STXBP5L: variants seen among roughly 807,000 people sequenced by gnomAD.
STXBP5L encodes the protein syntaxin-binding protein 5-like.
In STXBP5L, 65 loss-of-function variants were observed where a neutral mutation model predicts 144.5. The observed-to-expected ratio is 0.45, with a 90% confidence interval of 0.37 to 0.55. STXBP5L has a LOEUF of 0.55. Among genes scored for constraint, STXBP5L ranks in the 20% least tolerant of loss-of-function variants. STXBP5L has a pLI of 0.00. For synonymous variants in STXBP5L, 505 were observed against 469.6 expected, an observed-to-expected ratio of 1.08 and a Z score of -0.97; for missense variants, 1,298 against 1,405.5, an observed-to-expected ratio of 0.92 and a Z score of 1.22.
At chr3:121,391,253 T>C (rs2046576526) in intron 22 of STXBP5L, among the ~76,000 whole-genome samples, 1 of 152,224 alleles carries the variant, frequency 6.6e-6, no homozygotes, top group Non-Finnish European at 1.5e-5. Context: ...TTTAAGGTCT[T>C]CTCTACACTG....
intron 9 of STXBP5L, among the ~76,000 whole-genome samples, chr3:121,190,481 A>G (rs1440772804): frequency 6.6e-6 from 1 of 152,094 alleles, no homozygotes; most frequent in Admixed American, 6.5e-5. Flanking sequence ...TAACAATCCG[A>G]TCTCTCTTTC....
chr3:121,089,199 C>T (rs1055375872), intron 5 of STXBP5L, among the ~76,000 whole-genome samples: 1 of 143,960 alleles, frequency 6.9e-6, no homozygotes, highest in Non-Finnish European at 1.5e-5. Flanking sequence ...TTTACTGTCT[C>T]TTTTTTCCCA....
rs1357509886 is a variant in STXBP5L at position 121,096,165 on chromosome 3, G to A, written c.471-18760G>A. 2.6e-5 allele frequency among the ~76,000 whole-genome samples: 4 copies of A among 152,296 alleles called. No homozygotes were observed. In the East Asian group the frequency reaches 5.8e-4, roughly 22 times the overall value. On this transcript the variant is annotated intron_variant, in intron 5 of 26. Transcript: ENST00000471454. ...TGAACCCGGTACCTCAGTTGGAAGT[G>A]CAGAAATCACCCATCTTCTGCATCA...
intron 5 of STXBP5L, among the ~76,000 whole-genome samples, chr3:121,097,813 A>G (rs1450925303): frequency 1.3e-5 from 2 of 152,142 alleles, no homozygotes; most frequent in Admixed American, 1.3e-4. Context: ...CTTGTTGCAT[A>G]TCAAATGGAA....
intron 14 of STXBP5L, among the ~76,000 whole-genome samples, chr3:121,247,444 G>A (rs1297555835): frequency 1.3e-5 from 2 of 152,140 alleles, no homozygotes; most frequent in African/African-American, 4.8e-5. Context: ...ATACCCAATA[G>A]GTAGTTTTCA....
intron 9 of STXBP5L, chr3:121,158,515 A>G (rs1194164462): frequency 6.6e-6 from 1 of 152,194 alleles, no homozygotes; most frequent in Admixed American, 6.5e-5. Context: ...CCATCAGTAA[A>G]TGATCAAATT....
intron 3 of STXBP5L, among the ~76,000 whole-genome samples, chr3:120,977,319 T>C (rs1399255746): frequency 6.6e-6 from 1 of 152,230 alleles, no homozygotes; most frequent in Non-Finnish European, 1.5e-5. Context: ...TTGTCCCTTT[T>C]GATCTTTGTT....
intron 22 of STXBP5L, among the ~76,000 whole-genome samples, chr3:121,403,643 A>T (rs1250388892): frequency 6.6e-6 from 1 of 152,182 alleles, no homozygotes; most frequent in East Asian, 1.9e-4. Context: ...TATGGTAGAG[A>T]TAGATAATAT....
intron 2 of STXBP5L, 95 bp downstream of exon 2, chr3:120,909,862 G>C (rs1319369615): frequency 1.4e-5 from 18 of 1,292,474 alleles, no homozygotes; most frequent in Admixed American, 2.9e-5. Context: ...GGAAACTGTT[G>C]AGATGTCAGC....
intron 3 of STXBP5L, among the ~76,000 whole-genome samples, chr3:120,958,214 A>G (rs1016678222): frequency 2.0e-5 from 3 of 152,088 alleles, no homozygotes; most frequent in South Asian, 2.1e-4. Flanking sequence ...CCAGGAAGAA[A>G]TTGAATCTCT....
At chr3:120,929,424 A>AT (rs533482136) in intron 2 of STXBP5L, among the ~76,000 whole-genome samples, 3 of 151,120 alleles carry the variant, frequency 2.0e-5, no homozygotes, top group African/African-American at 4.9e-5. Flanking sequence ...TTTACATCCT[A>AT]TTTTTTTTCA....
At chr3:121,143,221 G>A (rs114776783) in intron 7 of STXBP5L, among the ~76,000 whole-genome samples, 2 of 150,818 alleles carry the variant, frequency 1.3e-5, no homozygotes, top group East Asian at 2.0e-4. Flanking sequence ...ACCTTTTAAC[G>A]AGGAAAAGCT....
chr3:121,250,876 A>T, intron 15 of STXBP5L, 113 bp downstream of exon 15: 1 of 845,036 alleles, frequency 1.2e-6, no homozygotes, highest in Admixed American at 2.8e-5. Flanking sequence ...TAGCACACAT[A>T]TGTGGCTGTG....
At chr3:121,305,241 G>A (rs2043298296) in intron 19 of STXBP5L, among the ~76,000 whole-genome samples, 1 of 152,092 alleles carries the variant, frequency 6.6e-6, no homozygotes, top group Non-Finnish European at 1.5e-5. Flanking sequence ...AACATTTAAG[G>A]AAGAAGTAAC....
chr3:121,387,891 T>C (rs2046466932), intron 22 of STXBP5L, among the ~76,000 whole-genome samples: 2 of 152,188 alleles, frequency 1.3e-5, no homozygotes, highest in Non-Finnish European at 2.9e-5. Context: ...GCAGGCTCTT[T>C]TTTGGTTCCA....
chr3:121,384,431 A>G lies in STXBP5L; in HGVS notation c.2587+2899A>G, dbSNP rs370270798. On this transcript the variant is annotated intron_variant, in intron 22 of 26. Transcript: ENST00000471454. ...GTAATCTCAGCATTTTCGAAGACCA[A>G]AGTGAGAGGAATGCTAGAGCCCAGG... is the stretch of plus-strand genomic sequence containing the variant. Among the ~76,000 whole-genome samples the G allele has an allele frequency of 3.0e-4, 46 of 152,122 alleles. No homozygotes were observed. The East Asian group carries it at 4.3e-3, about 14-fold the overall frequency.
chr3:121,106,558 C>T (rs537064538), intron 5 of STXBP5L, among the ~76,000 whole-genome samples: 1 of 152,250 alleles, frequency 6.6e-6, no homozygotes, highest in East Asian at 1.9e-4. Flanking sequence ...ATCCTTGTCC[C>T]TGCAAAGATC....
chr3:121,209,593 C>A (rs1297393757), intron 10 of STXBP5L, among the ~76,000 whole-genome samples: 1 of 152,032 alleles, frequency 6.6e-6, no homozygotes, highest in East Asian at 1.9e-4. Flanking sequence ...TCCCCCCACC[C>A]CATGACAGGC....
intron 2 of STXBP5L, among the ~76,000 whole-genome samples, chr3:120,918,756 T>C (rs998913216): frequency 1.3e-5 from 2 of 152,334 alleles, no homozygotes; most frequent in Admixed American, 1.3e-4. Flanking sequence ...GCAAGGTTCA[T>C]GTTGCATTTT....
Sources: allele counts gnomAD v4.1 joint callset (sites outside exome capture counted in the v4.1 genomes callset), GRCh38; gene constraint gnomAD v4.1.1; transcripts MANE v1.5; gene names NCBI Gene and HGNC (gene_info 2026-07-23, HGNC 2026-07-21).